IQGAP2: variants seen among roughly 807,000 people sequenced by gnomAD.
IQGAP2 encodes ras GTPase-activating-like protein IQGAP2.
In IQGAP2, 173 loss-of-function variants were observed where a neutral mutation model predicts 201.3. That is an observed-to-expected ratio of 0.86 (90% confidence interval 0.76 to 0.98). The LOEUF (loss-of-function observed/expected upper bound fraction) is 0.98. Among genes scored for constraint, IQGAP2 ranks in the 50% least tolerant of loss-of-function variants. IQGAP2 has a pLI of 0.00. For synonymous variants in IQGAP2, 675 were observed against 673.9 expected (o/e 1.00, Z -0.03); for missense variants, 1,687 against 1,864.8 (o/e 0.90, Z 1.76).
At chr5:76,583,364 A>G (rs1580516712) in intron 5 of IQGAP2, among the ~76,000 whole-genome samples, 1 of 152,274 alleles carries the variant, frequency 6.6e-6, no homozygotes, top group Middle Eastern at 3.4e-3. Context: ...CACCTCCCAC[A>G]CAGAGATTAG....
chr5:76,485,097 G>A (rs995648552), intron 2 of IQGAP2, among the ~76,000 whole-genome samples: 1 of 152,154 alleles, frequency 6.6e-6, no homozygotes, highest in African/African-American at 2.4e-5. Context: ...GCTGGGAGGT[G>A]TGAGCTATGG....
intron 2 of IQGAP2, among the ~76,000 whole-genome samples, chr5:76,557,960 C>T (rs1744063953): frequency 6.6e-6 from 1 of 152,080 alleles, no homozygotes; most frequent in Admixed American, 6.5e-5. Context: ...GTGCCCATTA[C>T]GATGCCTGGC....
chr5:76,403,308 C>T lies in IQGAP2; in HGVS notation c.-238C>T. ...GGAAACCTGCTGCGGGAGGCGGCGG[C>T]GACCGGCCAGGGAGCGAGGGAGGAG... On this transcript the variant is annotated 5_prime_UTR_variant, in exon 1 of 36. Transcript: ENST00000274364. This position sits in a 1 kb window ranked among gnomAD's most constrained non-coding sequence, Gnocchi z 4.8. 2.8e-6 allele frequency: 1 copy of T among 355,776 alleles called. No homozygotes were observed. Among genetic ancestry groups the T allele is most frequent in the South Asian group, 1.3e-4 (1 of 7,854 alleles). 22.0% of individuals were successfully genotyped at this position (355,776 alleles called of 1,614,324 possible). A position where few individuals can be genotyped will look rare whatever the true frequency, so the allele number is the denominator to read the frequency against.
intron 5 of IQGAP2, among the ~76,000 whole-genome samples, chr5:76,579,184 A>T (rs971360016): frequency 1.3e-5 from 2 of 152,130 alleles, no homozygotes; most frequent in Non-Finnish European, 2.9e-5. Context: ...CCCATACTAC[A>T]AGTTTCACTC....
chr5:76,483,124 AG>A (rs1479898514), intron 2 of IQGAP2, among the ~76,000 whole-genome samples: 3 of 152,236 alleles, frequency 2.0e-5, no homozygotes, highest in African/African-American at 7.2e-5. Context: ...CAACTTAATT[AG>A]AGTCAAAGAA....
intron 11 of IQGAP2, 24 bp downstream of exon 11, chr5:76,600,996 C>G: frequency 6.2e-7 from 1 of 1,602,386 alleles, no homozygotes; most frequent in Non-Finnish European, 8.5e-7. Context: ...TCCAAACCTT[C>G]TTTCAATGCA....
chr5:76,482,128 C>T (rs917211263), intron 2 of IQGAP2, among the ~76,000 whole-genome samples: 2 of 152,166 alleles, frequency 1.3e-5, no homozygotes, highest in Admixed American at 1.3e-4. Flanking sequence ...ATACAAGTAG[C>T]GCATGGGATG....
rs746813609 is a variant in IQGAP2 at position 76,707,650 on chromosome 5, G to T, written c.*337G>T. On this transcript the variant is annotated 3_prime_UTR_variant, in exon 36 of 36. Coordinates refer to ENST00000274364, the MANE Select transcript of IQGAP2 (RefSeq NM_006633.5). ...CAAACATGTAAACCTATTTTCCTAT[G>T]AAAAAAATTTTAAATGTCCCACTTG... 112 of 182,174 alleles carry T rather than the reference G, an allele frequency of 6.1e-4. 1 individual carries two copies. Among genetic ancestry groups the T allele is most frequent in the South Asian group, 3.3e-4 (2 of 5,976 alleles). 11.3% of individuals were successfully genotyped at this position (182,174 alleles called of 1,614,324 possible). A position where few individuals can be genotyped will look rare whatever the true frequency, so the allele number is the denominator to read the frequency against.
intron 2 of IQGAP2, among the ~76,000 whole-genome samples, chr5:76,529,619 C>G (rs1437160295): frequency 6.8e-6 from 1 of 147,122 alleles, no homozygotes; most frequent in African/African-American, 2.5e-5. Context: ...CAGACCAAGA[C>G]TCCCTCTCGG....
rs869050901 is a variant in IQGAP2, at chr5:76,610,076, CTATATATATATATATA to C, written c.1358-920_1358-905del. ...TCTCTCTCTCTCTCTCTCTCTCTCT[CTATATATATATATATA>C]TATATATATATATATATATATATTT... On this transcript the variant is annotated intron_variant, in intron 12 of 35. Transcript: ENST00000274364. Among the ~76,000 whole-genome samples the C allele has an allele frequency of 2.2e-3, 41 of 18,700 alleles. 1 individual carries two copies. Among genetic ancestry groups the C allele is most frequent in the African/African-American group, 6.8e-3 (38 of 5,594 alleles). The allele number at this position is 18,700 out of a possible 152,430, so 12.3% of individuals were successfully genotyped here.
At chr5:76,480,874 T>C (rs1216790453) in intron 2 of IQGAP2, among the ~76,000 whole-genome samples, 2 of 152,158 alleles carry the variant, frequency 1.3e-5, no homozygotes, top group East Asian at 1.9e-4. Flanking sequence ...GAAATTTGTT[T>C]CTCGCAGTTC....
chr5:76,565,892 A>G (rs1045232570), intron 3 of IQGAP2, among the ~76,000 whole-genome samples: 7 of 152,284 alleles, frequency 4.6e-5, no homozygotes, highest in African/African-American at 1.7e-4. Context: ...CCCACCCCAG[A>G]CTACTGAGTC....
intron 2 of IQGAP2, among the ~76,000 whole-genome samples, chr5:76,557,434 T>A (rs1475445791): frequency 1.3e-5 from 2 of 152,214 alleles, no homozygotes; most frequent in East Asian, 3.9e-4. Flanking sequence ...TCATGCTCAA[T>A]AAACACTAGT....
chr5:76,418,827 T>C (rs913219379), intron 1 of IQGAP2, among the ~76,000 whole-genome samples: 1 of 151,914 alleles, frequency 6.6e-6, no homozygotes, highest in Non-Finnish European at 1.5e-5. Context: ...GGGGGGTGAG[T>C]GTGGAAGATA....
chr5:76,430,423 A>G (rs1305803493), intron 1 of IQGAP2, among the ~76,000 whole-genome samples: 1 of 152,204 alleles, frequency 6.6e-6, no homozygotes, highest in Non-Finnish European at 1.5e-5. Context: ...AGCATCTGCG[A>G]GTTGACCCTT....
chr5:76,683,669 A>G, intron 29 of IQGAP2, 107 bp from the exon 30 acceptor site: 1 of 1,060,358 alleles, frequency 9.4e-7, no homozygotes, highest in South Asian at 1.9e-5. Context: ...ATGATCTCCC[A>G]TTTAATTACC....
chr5:76,606,396 CAAGGA>C, intron 12 of IQGAP2, 93 bp downstream of exon 12: 1 of 1,185,282 alleles, frequency 8.4e-7, no homozygotes, highest in Non-Finnish European at 1.1e-6. Flanking sequence ...AGTTTTTGCT[CAAGGA>C]ACTTTGTGAG....
chr5:76,685,835 T>C (rs922558693), intron 30 of IQGAP2, among the ~76,000 whole-genome samples: 2 of 152,222 alleles, frequency 1.3e-5, no homozygotes, highest in African/African-American at 2.4e-5. Context: ...TGTACATGCA[T>C]TTAGTACATT....
intron 1 of IQGAP2, among the ~76,000 whole-genome samples, chr5:76,446,071 T>G (rs773340551): frequency 9.2e-5 from 14 of 152,232 alleles, no homozygotes; most frequent in Non-Finnish European, 1.8e-4. Context: ...TACCACATTT[T>G]GCTTATCTGC....
Sources: allele counts gnomAD v4.1 joint callset (sites outside exome capture counted in the v4.1 genomes callset), GRCh38; gene constraint gnomAD v4.1.1; non-coding constraint Gnocchi (gnomAD v3.1); transcripts MANE v1.5; gene names NCBI Gene and HGNC (gene_info 2026-07-23, HGNC 2026-07-21).